Variants in TBX19 observed in about 807,000 individuals in gnomAD.
TBX19 encodes T-box transcription factor 19.
TBX19 carries 33 observed loss-of-function variants against 40.9 expected under a neutral mutation model. That is an observed-to-expected ratio of 0.81 (90% CI 0.61 to 1.08). The LOEUF is 1.08. Ranked by LOEUF, TBX19 falls within the 50% of genes least tolerant of loss-of-function variation. The pLI, the probability that TBX19 is intolerant of heterozygous loss-of-function variation, is 0.00. For missense variants in TBX19, 494 were observed against 574.0 expected, an observed-to-expected ratio of 0.86 and a Z score of 1.42; for synonymous variants, 220 against 225.0, an observed-to-expected ratio of 0.98 and a Z score of 0.20.
At chr1:168,295,042 C>T (rs186380247) in intron 3 of TBX19, among the ~76,000 whole-genome samples, 2 of 152,226 alleles carry the variant, frequency 1.3e-5, no homozygotes, top group South Asian at 2.1e-4. Flanking sequence ...TCTCTAATCC[C>T]AGCACTTTGG....
In TBX19 at chr1:168,300,420, A is replaced by G. The variant is rs1558193255; in HGVS notation, c.666-2A>G. On this transcript the variant is annotated splice_acceptor_variant, in intron 4 of 7. Coordinates refer to ENST00000367821, the MANE Select transcript of TBX19 (RefSeq NM_005149.3). LOFTEE classifies it high-confidence loss of function. ...CATGGTGCATTTTCTTTACTCTTTC[A>G]GAAATCACCTAAGAGACGTACCGGA... is the stretch of plus-strand genomic sequence containing the variant. 2.0e-5 allele frequency: 32 copies of G among 1,613,998 alleles called. No homozygotes were observed. Among genetic ancestry groups the G allele is most frequent in the Non-Finnish European group, 2.5e-5 (30 of 1,180,002 alleles).
At chr1:168,295,982 C>G (rs926323838) in intron 3 of TBX19, among the ~76,000 whole-genome samples, 3 of 152,294 alleles carry the variant, frequency 2.0e-5, no homozygotes, top group African/African-American at 7.2e-5. Flanking sequence ...CAGCAATCTC[C>G]CGGCCTGACT....
Position 168,305,076 on chromosome 1 carries a change from G to T in TBX19, c.796G>T (p.Ala266Ser). The change falls in exon 6 of 8, where the codon GCT (alanine) becomes TCT (serine). Residue 266 changes from alanine (A) to serine (S), a missense_variant. By Grantham distance (99) the Ala-to-Ser change is moderately conservative. Coordinates refer to ENST00000367821, the MANE Select transcript of TBX19 (RefSeq NM_005149.3). ...AGGAAACTCCAATTACCAGTATGCC[G>T]CTCCTCTGCCTCTGCCTGCTCCCCA... ...TAGNSNYQYA[A>S]PLPLPAPHTH... The T allele has an allele frequency of 6.2e-7, 1 of 1,614,066 alleles. No homozygotes were observed. The highest frequency in any genetic ancestry group is 1.7e-4 in the Middle Eastern group (1 of 6,060).
rs142374002 is a variant in TBX19 at position 168,312,783 on chromosome 1, C to T, written c.1128C>T (p.Ser376=). ...GGCCAGGCCCGGAGGTGCACGCCAG[C>T]ACCCCAGGAGCATTTCTCCTCGGAA... ...PSGPGPEVHA[S]TPGAFLLGNP... Residue 376 remains serine (S), a synonymous_variant, in exon 8 of 8, where the codon AGC becomes AGT. Transcript: ENST00000367821. 1.2e-4 allele frequency: 190 copies of T among 1,614,256 alleles called. No homozygotes were observed. In the African/African-American group the frequency reaches 2.2e-3, roughly 19 times the overall value.
chr1:168,297,946 C>T (rs1283752082), intron 4 of TBX19, among the ~76,000 whole-genome samples, 161 bp downstream of exon 4: 1 of 152,090 alleles, frequency 6.6e-6, no homozygotes, highest in Non-Finnish European at 1.5e-5. Context: ...CCTGTAATCC[C>T]AGCACTTTGG....
At chr1:168,301,792 A>G (rs564131956) in intron 5 of TBX19, among the ~76,000 whole-genome samples, 13 of 152,308 alleles carry the variant, frequency 8.5e-5, no homozygotes, top group African/African-American at 2.9e-4. Context: ...GATTGGTTAT[A>G]TATTGTTCTT....
chr1:168,301,560 C>T (rs573242996), intron 5 of TBX19, among the ~76,000 whole-genome samples: 25 of 151,560 alleles, frequency 1.6e-4, no homozygotes, highest in Middle Eastern at 3.5e-3. Flanking sequence ...TGCCCCCGGC[C>T]GAAAAGCACT....
rs1648929183 is a variant in TBX19 at position 168,291,172 on chromosome 1, A to G, written c.216A>G (p.Pro72=). The G allele has an allele frequency of 1.2e-6, 2 of 1,614,032 alleles. No homozygotes were observed. The highest frequency in any genetic ancestry group is 1.3e-5 in the African/African-American group (1 of 74,926). Residue 72 remains proline, a synonymous_variant, in exon 2 of 8, where the codon CCA becomes CCG. Coordinates refer to ENST00000367821, the MANE Select transcript of TBX19 (RefSeq NM_005149.3). ...CCTTTCCTTTTAGACGGATGTTTCC[A>G]GTCCTAAAGATTAGTGTCACAGGGT... ...IVTKNGRRMF[P]VLKISVTGLD... is the part of the protein sequence containing the mutation.
chr1:168,299,815 A>G (rs1337616110), intron 4 of TBX19, among the ~76,000 whole-genome samples: 1 of 152,220 alleles, frequency 6.6e-6, no homozygotes, highest in Non-Finnish European at 1.5e-5. Flanking sequence ...AGACACACTT[A>G]TAACGTTTTC....
chr1:168,311,405 A>C (rs1297257818), intron 7 of TBX19, among the ~76,000 whole-genome samples: 1 of 152,154 alleles, frequency 6.6e-6, no homozygotes, highest in Non-Finnish European at 1.5e-5. Context: ...AGGCATCAGA[A>C]AGGGTCTGTA....
chr1:168,294,991 G>T (rs1649065477), intron 3 of TBX19, among the ~76,000 whole-genome samples: 1 of 151,898 alleles, frequency 6.6e-6, no homozygotes, highest in Admixed American at 6.6e-5. Context: ...ACTCTAATAG[G>T]TTAAAAAAAA....
chr1:168,298,848 T>C (rs867898668), intron 4 of TBX19, among the ~76,000 whole-genome samples: 1,656 of 32,216 alleles, frequency 0.051, 217 homozygotes, highest in African/African-American at 0.069. Context: ...TCTTTCTTTC[T>C]TTCTTTCTTT....
chr1:168,299,177 C>T (rs1176657498), intron 4 of TBX19, among the ~76,000 whole-genome samples: 1 of 151,866 alleles, frequency 6.6e-6, no homozygotes, highest in Admixed American at 6.6e-5. Context: ...GCCTCGGCCT[C>T]CCAAATTGCT....
chr1:168,300,294 A>C (rs1649244283), intron 4 of TBX19, 128 bp from the exon 5 acceptor site: 2 of 845,062 alleles, frequency 2.4e-6, no homozygotes, highest in Non-Finnish European at 2.0e-6. Flanking sequence ...ACAGGAGCTT[A>C]GGAAAAAGGT....
At chr1:168,287,623 A>G (rs1298197657) in intron 1 of TBX19, among the ~76,000 whole-genome samples, 2 of 152,222 alleles carry the variant, frequency 1.3e-5, no homozygotes, top group Non-Finnish European at 2.9e-5. Flanking sequence ...ATGTTAAGAA[A>G]CAACAAAGAT....
rs1275262287 is a variant in TBX19, at chr1:168,291,432, T to G, written c.468+8T>G. 1 of 1,614,120 alleles carries G rather than the reference T, an allele frequency of 6.2e-7. No individual in the cohort carries two copies. The highest frequency in any genetic ancestry group is 1.3e-5 in the African/African-American group (1 of 75,042). On this transcript the variant is annotated splice_region_variant and intron_variant, in intron 2 of 7. Transcript: ENST00000367821. ...CTCAATGGAGGCGGGCAGGTACGAA[T>G]GAGGCGGGCAGGCCTGGCCACCCGC...
At chr1:168,299,635 C>T (rs1242265301) in intron 4 of TBX19, among the ~76,000 whole-genome samples, 2 of 152,064 alleles carry the variant, frequency 1.3e-5, no homozygotes, top group African/African-American at 4.8e-5. Context: ...GCCACCATGC[C>T]TGGCTATGTG....
chr1:168,300,616 A>G, intron 5 of TBX19, 133 bp downstream of exon 5: 1 of 847,122 alleles, frequency 1.2e-6, no homozygotes, highest in Non-Finnish European at 1.9e-6. Flanking sequence ...AGTTTATTCT[A>G]TTAAGGACAA....
chr1:168,311,356 A>AAG (rs1460349565), intron 7 of TBX19, among the ~76,000 whole-genome samples: 2 of 152,230 alleles, frequency 1.3e-5, no homozygotes, highest in South Asian at 4.1e-4. Flanking sequence ...TGCAGTAAGC[A>AAG]GTACCTCTCA....
Sources: allele counts gnomAD v4.1 joint callset (sites outside exome capture counted in the v4.1 genomes callset), GRCh38; gene constraint gnomAD v4.1.1; transcripts MANE v1.5; gene names NCBI Gene and HGNC (gene_info 2026-07-23, HGNC 2026-07-21).